Variants in SUMF1 observed in about 807,000 individuals in gnomAD.
SUMF1 encodes formylglycine-generating enzyme.
SUMF1 carries 48 observed loss-of-function variants against 47.6 expected under a neutral mutation model. The observed-to-expected ratio is 1.01, with a 90% CI of 0.80 to 1.28. The LOEUF is 1.28. Ranked by LOEUF, SUMF1 falls within the 50% of genes most tolerant of loss-of-function variation. The probability of loss-of-function intolerance (pLI) is 0.00; values close to 1 mark genes in which losing one functional copy is unlikely to be tolerated. For synonymous variants in SUMF1, 230 were observed against 192.1 expected, an observed-to-expected ratio of 1.20 and a Z score of -1.63; for missense variants, 571 against 485.4, an observed-to-expected ratio of 1.18 and a Z score of -1.66.
intron 7 of SUMF1, among the ~76,000 whole-genome samples, chr3:4,385,032 C>T (rs980867431): frequency 6.6e-6 from 1 of 151,888 alleles, no homozygotes; most frequent in East Asian, 1.9e-4. Flanking sequence ...ATTACAGGCA[C>T]GCACCACCAG....
chr3:4,133,802 T>C (rs1693850367), intron 8 of SUMF1, among the ~76,000 whole-genome samples: 1 of 151,918 alleles, frequency 6.6e-6, no homozygotes, highest in Admixed American at 6.6e-5. Context: ...TAAACTCCCC[T>C]TTATATATGT....
intron 8 of SUMF1, among the ~76,000 whole-genome samples, chr3:4,151,289 T>C (rs966202299): frequency 2.0e-5 from 3 of 149,086 alleles, no homozygotes; most frequent in Non-Finnish European, 3.0e-5. Context: ...CATGTAAATA[T>C]GGAGTGCTGC....
chr3:4,383,925 T>C (rs1700588199), intron 7 of SUMF1, among the ~76,000 whole-genome samples: 1 of 152,222 alleles, frequency 6.6e-6, no homozygotes, highest in Non-Finnish European at 1.5e-5. Context: ...GACAAAGACA[T>C]ATCAACAAAC....
chr3:4,136,877 A>T (rs1198832565), intron 8 of SUMF1, among the ~76,000 whole-genome samples: 1 of 152,156 alleles, frequency 6.6e-6, no homozygotes, highest in East Asian at 1.9e-4. Flanking sequence ...AAAAATGCTC[A>T]TCATCACTGG....
intron 7 of SUMF1, among the ~76,000 whole-genome samples, chr3:4,402,679 C>G (rs1701252639): frequency 1.3e-5 from 2 of 152,100 alleles, no homozygotes; most frequent in Non-Finnish European, 2.9e-5. Flanking sequence ...TCAAAGACAG[C>G]ACTGATAGCC....
chr3:4,071,314 C>T (rs555540879), intron 8 of SUMF1, among the ~76,000 whole-genome samples: 2 of 152,092 alleles, frequency 1.3e-5, no homozygotes, highest in African/African-American at 2.4e-5. Context: ...TGGGTGCAGC[C>T]CACAGAGGGC....
intron 8 of SUMF1, among the ~76,000 whole-genome samples, chr3:4,211,472 T>A (rs1207841756): frequency 6.6e-6 from 1 of 151,778 alleles, no homozygotes; most frequent in Non-Finnish European, 1.5e-5. Context: ...GGCCTCCAGC[T>A]TTTGAAAGAG....
chr3:4,325,727 T>C (rs1428167438), intron 8 of SUMF1, among the ~76,000 whole-genome samples: 2 of 152,104 alleles, frequency 1.3e-5, no homozygotes, highest in Non-Finnish European at 2.9e-5. Flanking sequence ...TTTCTAGTGA[T>C]TCCAACTCAG....
chr3:4,244,720 G>C (rs1696620953), intron 8 of SUMF1, among the ~76,000 whole-genome samples: 1 of 152,062 alleles, frequency 6.6e-6, no homozygotes, highest in African/African-American at 2.4e-5. Flanking sequence ...TGGTGAATCT[G>C]ACAATTATGT....
intron 8 of SUMF1, among the ~76,000 whole-genome samples, chr3:4,100,420 C>T (rs541618766): frequency 1.3e-5 from 2 of 151,862 alleles, no homozygotes; most frequent in African/African-American, 4.8e-5. Context: ...AACAAAGGTG[C>T]CAAGAACACT....
chr3:4,038,219 C>T (rs987779935), intron 9 of SUMF1, among the ~76,000 whole-genome samples: 1 of 152,094 alleles, frequency 6.6e-6, no homozygotes, highest in African/African-American at 2.4e-5. Context: ...CTCCTGGGGG[C>T]TCCACCCCAG....
At position 4,073,167 on chromosome 3, in the gene SUMF1, T is replaced by C. The variant is rs189090758; in HGVS notation, c.1015-4422A>G. 3.1e-3 allele frequency among the ~76,000 whole-genome samples: 478 copies of C among 151,864 alleles called. 4 individuals carry two copies. The highest frequency in any genetic ancestry group is 0.011 in the African/African-American group (453 of 41,370). ...AGAAACCCTATAAGCCAGAAGAGAG[T>C]GGAAGCCAATATTCAACATTCTTAA... On this transcript the variant is annotated intron_variant and NMD_transcript_variant, in intron 8 of 12. Transcript: ENST00000448413.
intron 1 of SUMF1, among the ~76,000 whole-genome samples, chr3:4,459,119 T>C (rs186304100): frequency 5.6e-4 from 85 of 152,318 alleles, no homozygotes; most frequent in Non-Finnish European, 1.5e-4. Context: ...TTTAGTGATG[T>C]ATTGCACAGA....
intron 8 of SUMF1, among the ~76,000 whole-genome samples, chr3:4,145,824 T>C (rs568113254): frequency 3.9e-4 from 60 of 152,190 alleles, no homozygotes; most frequent in Admixed American, 1.3e-3. Flanking sequence ...TATTTTAAGA[T>C]ACTTCTGTCA....
At chr3:4,273,788 G>GAGGGGAGGGCATGA (rs1697356597) in intron 8 of SUMF1, among the ~76,000 whole-genome samples, 1 of 131,648 alleles carries the variant, frequency 7.6e-6, no homozygotes, top group African/African-American at 2.9e-5. Context: ...GGAGGATACG[G>GAGGGGAGGGCATGA]GAGGGGAGGG....
At chr3:4,142,169 C>T (rs1379060990) in intron 8 of SUMF1, among the ~76,000 whole-genome samples, 2 of 152,062 alleles carry the variant, frequency 1.3e-5, no homozygotes, top group East Asian at 1.9e-4. Flanking sequence ...TCCAAAATTT[C>T]GCAAGGAATA....
intron 8 of SUMF1, among the ~76,000 whole-genome samples, chr3:4,306,244 G>T (rs536436976): frequency 1.3e-5 from 2 of 151,972 alleles, no homozygotes; most frequent in Non-Finnish European, 2.9e-5. Context: ...CTATGTGCCC[G>T]ACGTATTTTT....
intron 8 of SUMF1, among the ~76,000 whole-genome samples, chr3:4,108,485 T>C (rs202001733): frequency 6.6e-6 from 1 of 152,070 alleles, no homozygotes; most frequent in Admixed American, 6.5e-5. Flanking sequence ...CCTTGTTAAC[T>C]TTCTGTCTTG....
At chr3:4,263,070 G>T (rs1233365830) in intron 8 of SUMF1, among the ~76,000 whole-genome samples, 1 of 152,026 alleles carries the variant, frequency 6.6e-6, no homozygotes, top group Non-Finnish European at 1.5e-5. Context: ...GGGGTGTAGG[G>T]CATGGGGTAA....
Sources: allele counts gnomAD v4.1 joint callset (sites outside exome capture counted in the v4.1 genomes callset), GRCh38; gene constraint gnomAD v4.1.1; transcripts MANE v1.5; gene names NCBI Gene and HGNC (gene_info 2026-07-23, HGNC 2026-07-21).